ZNRD2: variants seen among roughly 807,000 people sequenced by gnomAD.
The protein encoded by ZNRD2 is protein ZNRD2.
A neutral mutation model predicts 22.0 loss-of-function variants in ZNRD2; 16 were observed. That is an observed-to-expected ratio of 0.73 (90% CI 0.49 to 1.11). ZNRD2 has a LOEUF of 1.11. Ranked by LOEUF, ZNRD2 falls within the 50% of genes least tolerant of loss-of-function variation. ZNRD2 has a pLI of 0.00. For missense variants in ZNRD2, 269 were observed against 258.9 expected (o/e 1.04, Z -0.27); for synonymous variants, 105 against 109.8 (o/e 0.96, Z 0.27).
chr11:65,570,543 T>A, intron 1 of ZNRD2, 33 bp downstream of exon 1: 2 of 1,613,724 alleles, frequency 1.2e-6, no homozygotes, highest in Non-Finnish European at 1.7e-6. Flanking sequence ...TTTGTGGCTG[T>A]GAGGTACGGG....
Position 65,570,967 on chromosome 11 carries a change from C to G in ZNRD2, c.253C>G (p.Pro85Ala). The G allele has an allele frequency of 1.2e-6, 2 of 1,613,850 alleles. No homozygotes were observed. Among genetic ancestry groups the G allele is most frequent in the South Asian group, 1.1e-5 (1 of 91,060 alleles). Residue 85 changes from proline to alanine, a missense_variant, in exon 3 of 4, where the codon CCC becomes GCC. Pro to Ala is a conservative substitution (Grantham distance 27). Coordinates refer to ENST00000309328, the MANE Select transcript of ZNRD2 (RefSeq NM_006396.3). ...ELDSDVDKDNPALNAQAALSQ... is the reference protein window; with the variant it reads ...ELDSDVDKDNAALNAQAALSQ... ...CGACTCAGACGTGGATAAAGATAAT[C>G]CCGGTAAGAGTAAAAAATAATCCGG... is the stretch of plus-strand genomic sequence containing the variant.
chr11:65,570,892 C>T lies in ZNRD2; in HGVS notation c.178C>T (p.Leu60Phe). 6.2e-7 allele frequency: 1 copy of T among 1,614,166 alleles called. No individual in the cohort carries two copies. Among genetic ancestry groups the T allele is most frequent in the Non-Finnish European group, 8.5e-7 (1 of 1,180,022 alleles). ...GETCADCGTI[L>F]LQDKQRKIYC... is the part of the protein sequence containing the mutation. ...TGTGCTTTTTGGTCCGTAGACGATCCTCCTCCAAGACAAACAGCGGAAAAT... is the reference window on the plus strand; with the variant it reads ...TGTGCTTTTTGGTCCGTAGACGATCTTCCTCCAAGACAAACAGCGGAAAAT... The change falls in exon 3 of 4, where the codon CTC (leucine) becomes TTC (phenylalanine). Residue 60 changes from leucine (L) to phenylalanine (F), a missense_variant. Transcript: ENST00000309328.
At chr11:65,570,811 G>A (rs1857110216) in intron 2 of ZNRD2, 56 bp downstream of exon 2, 2 of 1,612,542 alleles carry the variant, frequency 1.2e-6, no homozygotes. Flanking sequence ...AGGCCACTCA[G>A]CCCTTCCCCG....
rs941217988 is a variant in ZNRD2, at chr11:65,571,887, C to T, written c.*153C>T. 84 of 1,153,318 alleles carry T rather than the reference C, an allele frequency of 7.3e-5. No individual in the cohort carries two copies. In the Middle Eastern group the frequency reaches 8.8e-4, roughly 12 times the overall value. 71.4% of individuals were successfully genotyped at this position (1,153,318 alleles called of 1,614,324 possible). On this transcript the variant is annotated 3_prime_UTR_variant, in exon 4 of 4. Coordinates refer to ENST00000309328, the MANE Select transcript of ZNRD2 (RefSeq NM_006396.3). ...CCTCTCCACTCTGCTCTCCTTGACGCCCTGAGATGAGTTGAGCTTGTTTCT... is the reference window on the plus strand; with the variant it reads ...CCTCTCCACTCTGCTCTCCTTGACGTCCTGAGATGAGTTGAGCTTGTTTCT...
intron 3 of ZNRD2, among the ~76,000 whole-genome samples, 164 bp from the exon 4 acceptor site, chr11:65,571,227 G>A (rs1857118787): frequency 6.6e-6 from 1 of 152,220 alleles, no homozygotes; most frequent in African/African-American, 2.4e-5. Context: ...GAGAATTGAA[G>A]CTAGGGCATA....
rs1249916530 is a variant in ZNRD2, at chr11:65,571,789, GT to G, written c.*62del. ...AAACAGCTGTTCCTCTGTGTGGTTT[GT>G]TTTTTTCCTGGTTCCAAGTGTGCAT... On this transcript the variant is annotated 3_prime_UTR_variant, in exon 4 of 4. Transcript: ENST00000309328. 19 of 1,484,778 alleles carry G rather than the reference GT, an allele frequency of 1.3e-5. No homozygotes were observed. In the East Asian group the frequency reaches 2.9e-4, roughly 23 times the overall value. 92.0% of individuals were successfully genotyped at this position (1,484,778 alleles called of 1,614,324 possible).
chr11:65,571,574 C>T lies in ZNRD2; in HGVS notation c.440C>T (p.Thr147Ile). The T allele has an allele frequency of 6.2e-7, 1 of 1,614,106 alleles. No homozygotes were observed. The highest frequency in any genetic ancestry group is 1.7e-5 in the Admixed American group (1 of 60,032). The change falls in exon 4 of 4, where the codon ACA becomes ATA. Residue 147 changes from threonine to isoleucine, a missense_variant. Physicochemically the swap from Thr to Ile is moderately conservative, Grantham distance 89. Coordinates refer to ENST00000309328, the MANE Select transcript of ZNRD2 (RefSeq NM_006396.3). ...CCTGCTCCTGCTGTGCCTCCAAATA[C>T]AGATGTCATGGCCTGCACACAGACA... ...GPPAPAVPPN[T>I]DVMACTQTAL...
At position 65,570,515 on chromosome 11, in the gene ZNRD2, G is replaced by C. The variant is rs376795349; in HGVS notation, c.19+5G>C. ...ACATGGCCCTGAACGGAGCTGGTGA[G>C]GACCTGGGCGGCAGGGGTTTGTGGC... is the stretch of plus-strand genomic sequence containing the variant. On this transcript the variant is annotated splice_donor_5th_base_variant and intron_variant, in intron 1 of 3. Transcript: ENST00000309328. 2 of 1,613,976 alleles carry C rather than the reference G, an allele frequency of 1.2e-6. No individual in the cohort carries two copies. The highest frequency in any genetic ancestry group is 1.7e-6 in the Non-Finnish European group (2 of 1,179,980).
chr11:65,570,847 G>C (rs780054458), intron 2 of ZNRD2, 39 bp from the exon 3 acceptor site: 3 of 1,613,542 alleles, frequency 1.9e-6, no homozygotes, highest in African/African-American at 1.3e-5. Context: ...CCCCATTGCC[G>C]GCGTCTCATT....
chr11:65,571,014 G>T (rs1322235498), intron 3 of ZNRD2, 44 bp downstream of exon 3: 3 of 1,575,432 alleles, frequency 1.9e-6, no homozygotes, highest in African/African-American at 1.3e-5. Flanking sequence ...GATATGCTTA[G>T]GGGGGAAGCG....
chr11:65,571,777 T>A lies in ZNRD2; in HGVS notation c.*43T>A, dbSNP rs1857135343. The A allele has an allele frequency of 1.3e-6, 2 of 1,505,416 alleles. No individual in the cohort carries two copies. Among genetic ancestry groups the A allele is most frequent in the Non-Finnish European group, 1.8e-6 (2 of 1,126,560 alleles). 93.3% of individuals were successfully genotyped at this position (1,505,416 alleles called of 1,614,324 possible). On this transcript the variant is annotated 3_prime_UTR_variant, in exon 4 of 4. Coordinates refer to ENST00000309328, the MANE Select transcript of ZNRD2 (RefSeq NM_006396.3). Reference sequence around the variant, plus strand: ...AACCCTCTAGAAAAACAGCTGTTCCTCTGTGTGGTTTGTTTTTTTCCTGGT... The same window carrying A: ...AACCCTCTAGAAAAACAGCTGTTCCACTGTGTGGTTTGTTTTTTTCCTGGT...
chr11:65,570,860 G>A (rs1410400625), intron 2 of ZNRD2, 26 bp from the exon 3 acceptor site: 4 of 1,613,984 alleles, frequency 2.5e-6, no homozygotes, highest in South Asian at 2.2e-5. Flanking sequence ...GTCTCATTCC[G>A]GCCCCGTGTG....
Position 65,570,650 on chromosome 11 carries a change from G to A in ZNRD2, c.66G>A (p.Lys22=). Residue 22 remains lysine (K), a synonymous_variant, in exon 2 of 4, where the codon AAG becomes AAA. Transcript: ENST00000309328. The stretch of plus-strand genomic sequence containing the variant: ...AGCCCCCGACTGAGGCGGAGACGAA[G>A]GTGCTGCAGGCGCGACGGGAGCGGC... ...SWEPPTEAET[K]VLQARRERQD... 6.2e-7 allele frequency: 1 copy of A among 1,613,932 alleles called. No homozygotes were observed. Among genetic ancestry groups the A allele is most frequent in the South Asian group, 1.1e-5 (1 of 91,088 alleles).
Position 65,571,845 on chromosome 11 carries a change from A to G in ZNRD2, c.*111A>G, listed in dbSNP as rs1267482853. The G allele has an allele frequency of 1.4e-6, 2 of 1,432,766 alleles. No individual in the cohort carries two copies. Among genetic ancestry groups the G allele is most frequent in the Non-Finnish European group, 1.8e-6 (2 of 1,093,144 alleles). 88.8% of individuals were successfully genotyped at this position (1,432,766 alleles called of 1,614,324 possible). The stretch of plus-strand genomic sequence containing the variant: ...GCCCCAGCTCCACTCACCTTTTTCC[A>G]GCTTTTGGCCTCTTCACCTCTCCAC... On this transcript the variant is annotated 3_prime_UTR_variant, in exon 4 of 4. Transcript: ENST00000309328.
At chr11:65,570,554 AGGCAGCCCACTCC>A in intron 1 of ZNRD2, 37 bp from the exon 2 acceptor site, 1 of 1,613,782 alleles carries the variant, frequency 6.2e-7, no homozygotes, top group Non-Finnish European at 8.5e-7. Flanking sequence ...GAGGTACGGG[AGGCAGCCCACTCC>A]GGCAAGACCC....
chr11:65,570,947 C>G lies in ZNRD2; in HGVS notation c.233C>G (p.Ser78Ter), dbSNP rs140505057. 1.2e-6 allele frequency: 2 copies of G among 1,614,094 alleles called. No homozygotes were observed. Among genetic ancestry groups the G allele is most frequent in the African/African-American group, 2.7e-5 (2 of 75,042 alleles). The change falls in exon 3 of 4, where the codon TCA (serine) becomes TGA (stop). Residue 78 changes from serine to a stop codon, truncating the protein, a stop_gained. Coordinates refer to ENST00000309328, the MANE Select transcript of ZNRD2 (RefSeq NM_006396.3). LOFTEE classifies it high-confidence loss of function. ...IYCVACQELD[S>*]DVDKDNPALN... is the part of the protein sequence containing the mutation. ...TGCGTGGCTTGTCAGGAACTCGACTCAGACGTGGATAAAGATAATCCCGGT... is the reference window on the plus strand; with the variant it reads ...TGCGTGGCTTGTCAGGAACTCGACTGAGACGTGGATAAAGATAATCCCGGT...
rs764217016 is a variant in ZNRD2 at position 65,571,010 on chromosome 11, C to T, written c.256+40C>T. 126 of 1,576,542 alleles carry T rather than the reference C, an allele frequency of 8.0e-5. No homozygotes were observed. In the South Asian group the frequency reaches 1.2e-3, roughly 15 times the overall value. ...TAATCCGGGAGAGGGGCCGGATATG[C>T]TTAGGGGGGAAGCGTGGTTAAGTGG... On this transcript the variant is annotated intron_variant, in intron 3 of 3. Transcript: ENST00000309328.
Position 65,571,483 on chromosome 11 carries a change from C to T in ZNRD2, c.349C>T (p.Pro117Ser), listed in dbSNP as rs571767866. The change falls in exon 4 of 4, where the codon CCC becomes TCC. Residue 117 changes from proline (P) to serine (S), a missense_variant. Physicochemically the swap from Pro to Ser is moderately conservative, Grantham distance 74. Transcript: ENST00000309328. ...CCTGGGCTCTCGACCTGCGCCCCAGCCCCCAGTACCTCGTCCGGAGCACTG... is the reference window on the plus strand; with the variant it reads ...CCTGGGCTCTCGACCTGCGCCCCAGTCCCCAGTACCTCGTCCGGAGCACTG... Reference protein sequence around the residue: ...LPLGSRPAPQPPVPRPEHCEG... With the variant: ...LPLGSRPAPQSPVPRPEHCEG... 1.2e-6 allele frequency: 2 copies of T among 1,613,714 alleles called. No homozygotes were observed. Among genetic ancestry groups the T allele is most frequent in the Admixed American group, 3.3e-5 (2 of 60,030 alleles).
chr11:65,571,592 CACAG>C lies in ZNRD2; in HGVS notation c.463_466del (p.Thr155ProfsTer6). On this transcript the variant is annotated frameshift_variant, in exon 4 of 4. Transcript: ENST00000309328. LOFTEE classifies it high-confidence loss of function. ...CCAAATACAGATGTCATGGCCTGCACACAGACAGCCCTCTTGCAGAAGCTGACCT... is the reference window on the plus strand; with the variant it reads ...CCAAATACAGATGTCATGGCCTGCACACAGCCCTCTTGCAGAAGCTGACCT... 17 of 1,614,128 alleles carry C rather than the reference CACAG, an allele frequency of 1.1e-5. No homozygotes were observed. Among genetic ancestry groups the C allele is most frequent in the East Asian group, 4.5e-5 (2 of 44,890 alleles).
Sources: gnomAD v4.1 joint callset for allele counts (sites outside exome capture counted in the v4.1 genomes callset) on GRCh38, gnomAD v4.1.1 for gene constraint, MANE v1.5 for transcripts, NCBI Gene and HGNC (gene_info 2026-07-23, HGNC 2026-07-21) for gene names.